Variants in MID1 observed in about 807,000 individuals in gnomAD.
MID1 encodes the protein midline 1, also known as E3 ubiquitin-protein ligase Midline-1.
In MID1, 7 loss-of-function variants were observed where a neutral mutation model predicts 40.4. The observed-to-expected ratio is 0.17, with a 90% CI of 0.10 to 0.33. The LOEUF is 0.33. Ranked by LOEUF, MID1 falls within the 10% of genes least tolerant of loss-of-function variation. The probability of loss-of-function intolerance (pLI) is 1.00; values close to 1 mark genes in which losing one functional copy is unlikely to be tolerated. For synonymous variants in MID1, 229 were observed against 221.2 expected, an observed-to-expected ratio of 1.04 and a Z score of -0.31; for missense variants, 367 against 558.5, an observed-to-expected ratio of 0.66 and a Z score of 3.46.
intron 3 of MID1, among the ~76,000 whole-genome samples, chrX:10,500,417 T>C (rs1260191534): frequency 4.5e-5 from 5 of 112,277 alleles, no homozygotes; most frequent in African/African-American, 1.6e-4. Flanking sequence ...TAGCTTTCCT[T>C]TTGAAACCAG....
chrX:10,704,706 GTGTGTGTGTGTATATATATA>G (rs1255467221), intron 1 of MID1, among the ~76,000 whole-genome samples: 1 of 55,579 alleles, frequency 1.8e-5, no homozygotes, highest in Non-Finnish European at 2.8e-5. Context: ...ATATATGCAT[GTGTGTGTGTGTATATATATA>G]TATATATATA....
intron 1 of MID1, among the ~76,000 whole-genome samples, chrX:10,799,864 C>G (rs1475141487): frequency 1.9e-5 from 2 of 104,708 alleles, no homozygotes; most frequent in Non-Finnish European, 3.8e-5. Flanking sequence ...AGAAACTTAC[C>G]CAAAACTAGA....
chrX:10,505,342 T>C, intron 3 of MID1: 1 of 753,601 alleles, frequency 1.3e-6, no homozygotes, highest in African/African-American at 2.3e-5. Context: ...CTTTTCTTTT[T>C]GTGTTTAATG....
At chrX:10,764,463 T>C (rs978216060) in intron 1 of MID1, among the ~76,000 whole-genome samples, 4 of 112,051 alleles carry the variant, frequency 3.6e-5, no homozygotes, top group Admixed American at 9.5e-5. Flanking sequence ...ATAATGATGA[T>C]ATTAAAATAA....
In MID1 at chrX:10,716,325, T is replaced by A. The variant is rs771690259; in HGVS notation, c.-186-95906A>T. ...AGATTAGACGAATGGCTGACTAGAA[T>A]AACCAATGCAGAGAAGTCCTTAAAG... On this transcript the variant is annotated intron_variant, in intron 1 of 10. Transcript: ENST00000380785. 2.7e-5 allele frequency among the ~76,000 whole-genome samples: 3 copies of A among 111,403 alleles called. No homozygotes were observed. In the East Asian group the frequency reaches 8.5e-4, roughly 32 times the overall value.
intron 1 of MID1, among the ~76,000 whole-genome samples, chrX:10,654,510 G>A (rs1197639989): frequency 9.0e-6 from 1 of 111,588 alleles, no homozygotes; most frequent in East Asian, 2.8e-4. Context: ...CATAAGGAGT[G>A]GGCAACCTAG....
chrX:10,734,085 C>T (rs758025686), intron 1 of MID1, among the ~76,000 whole-genome samples: 7 of 112,144 alleles, frequency 6.2e-5, no homozygotes, highest in South Asian at 3.7e-4. Flanking sequence ...GACATGTGCA[C>T]GCAAATGTTC....
At chrX:10,801,012 C>G (rs914420885) in intron 1 of MID1, among the ~76,000 whole-genome samples, 3 of 110,539 alleles carry the variant, frequency 2.7e-5, no homozygotes, top group Non-Finnish European at 5.7e-5. Flanking sequence ...TTTGACTCAG[C>G]TACATCATCA....
At chrX:10,672,992 T>C (rs1259818071) in intron 1 of MID1, among the ~76,000 whole-genome samples, 1 of 111,665 alleles carries the variant, frequency 9.0e-6, no homozygotes, top group East Asian at 2.8e-4. Context: ...GGCCGTGTTG[T>C]TTAAATTTTT....
intron 1 of MID1, among the ~76,000 whole-genome samples, chrX:10,715,603 G>C (rs2043297147): frequency 8.9e-6 from 1 of 112,038 alleles, no homozygotes; most frequent in South Asian, 3.7e-4. Context: ...TGCCTCTGTA[G>C]ACTCCACCTC....
chrX:10,681,046 TA>T (rs1431646522), intron 1 of MID1, among the ~76,000 whole-genome samples: 1 of 102,369 alleles, frequency 9.8e-6, no homozygotes, highest in Non-Finnish European at 2.0e-5. Flanking sequence ...ATAATAATAA[TA>T]ATAATAATAA....
In MID1 at chrX:10,802,187, T is replaced by TA. The variant is rs2044012844; in HGVS notation, c.-187+31366dup. On this transcript the variant is annotated intron_variant, in intron 1 of 10. Transcript: ENST00000380785. Reference sequence around the variant, plus strand: ...AAGAGCAAGACTCCATCTCAAAAAATAAAAAACTAAAAACAAAACAAAAAC... The same window carrying TA: ...AAGAGCAAGACTCCATCTCAAAAAATAAAAAAACTAAAAACAAAACAAAAAC... 1.0e-4 allele frequency among the ~76,000 whole-genome samples: 11 copies of TA among 110,226 alleles called. No homozygotes were observed. The South Asian group carries it at 3.8e-3, about 38-fold the overall frequency.
intron 2 of MID1, among the ~76,000 whole-genome samples, chrX:10,535,448 T>A (rs891973904): frequency 1.8e-5 from 2 of 112,659 alleles, no homozygotes; most frequent in African/African-American, 6.5e-5. Flanking sequence ...TATGTAGAAG[T>A]ATAAATTTAT....
chrX:10,655,041 G>C (rs2042860920), intron 1 of MID1, among the ~76,000 whole-genome samples: 1 of 112,203 alleles, frequency 8.9e-6, no homozygotes, highest in African/African-American at 3.2e-5. Context: ...TAATATCTTA[G>C]AGGATAAGCC....
chrX:10,674,760 G>A (rs1259883212), intron 1 of MID1, among the ~76,000 whole-genome samples: 2 of 112,019 alleles, frequency 1.8e-5, no homozygotes, highest in African/African-American at 6.5e-5. Flanking sequence ...TTGACTGCCA[G>A]CATTCCGTAA....
intron 1 of MID1, among the ~76,000 whole-genome samples, chrX:10,635,045 A>C (rs1321538234): frequency 8.9e-6 from 1 of 112,502 alleles, no homozygotes; most frequent in Non-Finnish European, 1.9e-5. Flanking sequence ...GCAAATTGAG[A>C]GAAAAATATG....
intron 1 of MID1, among the ~76,000 whole-genome samples, chrX:10,706,292 G>A (rs1177542377): frequency 1.8e-5 from 2 of 111,036 alleles, no homozygotes; most frequent in African/African-American, 3.3e-5. Flanking sequence ...GGAAGCAAGG[G>A]AAATCTAGGG....
intron 1 of MID1, among the ~76,000 whole-genome samples, chrX:10,723,808 G>A (rs1306438157): frequency 1.8e-5 from 2 of 112,749 alleles, no homozygotes; most frequent in East Asian, 2.8e-4. Context: ...CCAAAGTGCT[G>A]GGATTACAGG....
Position 10,566,903 on chromosome X carries a change from G to T in MID1, c.645C>A (p.Arg215=). 3 of 1,211,440 alleles carry T rather than the reference G, an allele frequency of 2.5e-6. No individual in the cohort carries two copies. Among genetic ancestry groups the T allele is most frequent in the Non-Finnish European group, 3.4e-6 (3 of 895,380 alleles). The part of the protein sequence containing the change: ...RDHQVAALSE[R]YDKLKQNLES... Reference sequence around the variant, plus strand: ...TCGGACTAACCTTCAATTTGTCATAGCGCTCACTCAAAGCTGCCACCTGAT... The same window carrying T: ...TCGGACTAACCTTCAATTTGTCATATCGCTCACTCAAAGCTGCCACCTGAT... Residue 215 remains arginine, a synonymous_variant, in exon 2 of 10, where the codon CGC becomes CGA. Coordinates refer to ENST00000317552, the MANE Select transcript of MID1 (RefSeq NM_000381.4).
Sources: gnomAD v4.1 joint callset for allele counts (sites outside exome capture counted in the v4.1 genomes callset) on GRCh38, gnomAD v4.1.1 for gene constraint, MANE v1.5 for transcripts, NCBI Gene and HGNC (gene_info 2026-07-23, HGNC 2026-07-21) for gene names.